The following SLF1 variants were observed in gnomAD, a reference collection of about 807,000 sequenced individuals.
SLF1 encodes SMC5-SMC6 complex localization factor protein 1.
In SLF1, 105 loss-of-function variants were observed where a neutral mutation model predicts 123.0. That is an observed-to-expected ratio of 0.85 (90% CI 0.73 to 1.00). The LOEUF is 1.00. SLF1 is among the 50% of genes least tolerant of loss of function. SLF1 has a pLI of 0.00. For synonymous variants in SLF1, 434 were observed against 406.6 expected (o/e 1.07, Z -0.81); for missense variants, 1,239 against 1,223.0 (o/e 1.01, Z -0.20).
In SLF1 at chr5:94,670,239, T is replaced by C. The variant is rs1478916445; in HGVS notation, c.1621T>C (p.Phe541Leu). 5.9e-6 allele frequency: 9 copies of C among 1,514,826 alleles called. No homozygotes were observed. The highest frequency in any genetic ancestry group is 7.9e-6 in the Non-Finnish European group (9 of 1,134,128). The allele number at this position is 1,514,826 out of a possible 1,614,324, so 93.8% of individuals were successfully genotyped here. The change falls in exon 13 of 21, where the codon TTT (phenylalanine) becomes CTT (leucine). Residue 541 changes from phenylalanine to leucine, a missense_variant. Physicochemically the swap from Phe to Leu is conservative, Grantham distance 22 (BLOSUM62 0). Transcript: ENST00000265140. Reference protein sequence around the residue: ...VLHLTLLKFFFNLIESEVQHL... With the variant: ...VLHLTLLKFFLNLIESEVQHL... ...CCACCTGACGCTACTCAAATTTTTC[T>C]TTAATTTAATTGAAAGTGAAGTACA... is the stretch of plus-strand genomic sequence containing the variant.
In SLF1 at chr5:94,665,893, T is replaced by C; in HGVS notation, c.1401T>C (p.Phe467=). Residue 467 remains phenylalanine, a synonymous_variant, in exon 12 of 21, where the codon TTT becomes TTC. Coordinates refer to ENST00000265140, the MANE Select transcript of SLF1 (RefSeq NM_032290.4). ...TAGATACATTTTCTGGTCGATACTT[T>C]CATATATTGTCAGCTCTTCTTCACC... ...DNIDTFSGRY[F]HILSALLHLH... 15 of 1,548,496 alleles carry C rather than the reference T, an allele frequency of 9.7e-6. No individual in the cohort carries two copies. The highest frequency in any genetic ancestry group is 1.3e-5 in the Non-Finnish European group (15 of 1,144,058).
intron 4 of SLF1, among the ~76,000 whole-genome samples, chr5:94,634,564 T>G (rs1046003410): frequency 6.6e-6 from 1 of 152,240 alleles, no homozygotes; most frequent in Non-Finnish European, 1.5e-5. Flanking sequence ...ATACTATATT[T>G]TCTTTATTCA....
At chr5:94,639,435 T>C (rs975495909) in intron 4 of SLF1, among the ~76,000 whole-genome samples, 2 of 152,192 alleles carry the variant, frequency 1.3e-5, no homozygotes, top group Non-Finnish European at 2.9e-5. Context: ...CTGTATTAGA[T>C]CTCTTTTTTT....
intron 9 of SLF1, among the ~76,000 whole-genome samples, chr5:94,661,813 A>C (rs141887204): frequency 4.9e-4 from 75 of 152,332 alleles, no homozygotes; most frequent in African/African-American, 1.7e-3. Context: ...CTGGGATTAC[A>C]GGTGTGAGCC....
intron 7 of SLF1, among the ~76,000 whole-genome samples, chr5:94,652,916 G>A (rs941459197): frequency 6.6e-6 from 1 of 152,158 alleles, no homozygotes; most frequent in African/African-American, 2.4e-5. Context: ...GGAGTGCAAT[G>A]GCGCAATCTC....
chr5:94,652,844 A>T (rs1033130786), intron 7 of SLF1, among the ~76,000 whole-genome samples: 1 of 152,024 alleles, frequency 6.6e-6, no homozygotes, highest in Non-Finnish European at 1.5e-5. Context: ...TTTCTGTTGT[A>T]CGTACTTCTT....
intron 16 of SLF1, among the ~76,000 whole-genome samples, chr5:94,687,719 A>AAC (rs1281776167): frequency 6.8e-6 from 1 of 148,148 alleles, no homozygotes; most frequent in African/African-American, 2.5e-5. Context: ...CAACAACAAC[A>AAC]AAGAAAGAAA....
chr5:94,694,684 A>G (rs1585252616), intron 20 of SLF1, 147 bp from the exon 21 acceptor site: 1 of 1,027,310 alleles, frequency 9.7e-7, no homozygotes, highest in East Asian at 2.7e-5. Context: ...GTCTATATAT[A>G]TAGTCAGTTA....
chr5:94,626,921 C>T (rs781270601), intron 1 of SLF1, among the ~76,000 whole-genome samples: 6 of 152,114 alleles, frequency 3.9e-5, no homozygotes, highest in Non-Finnish European at 8.8e-5. Flanking sequence ...GTGCAGTTAC[C>T]CTAGCTGAAC....
chr5:94,677,162 C>G (rs183115958), intron 14 of SLF1, among the ~76,000 whole-genome samples: 1 of 152,052 alleles, frequency 6.6e-6, no homozygotes, highest in Non-Finnish European at 1.5e-5. Context: ...TTGGAAGTGC[C>G]TTTTATGTAA....
rs764031689 is a variant in SLF1, at chr5:94,639,037, C to CTTTT, written c.432-4218_432-4215dup. Among the ~76,000 whole-genome samples, 179 of 88,950 alleles carry CTTTT rather than the reference C, an allele frequency of 2.0e-3. 18 individuals carry two copies. Among genetic ancestry groups the CTTTT allele is most frequent in the African/African-American group, 5.5e-3 (111 of 20,266 alleles). The allele number at this position is 88,950 out of a possible 152,430, so 58.4% of individuals were successfully genotyped here. ...TTTCTCATCTCTTTTCTTTTCTTCC[C>CTTTT]TTTTTTTTTTTTTTTTTTTTTGAGA... On this transcript the variant is annotated intron_variant, in intron 4 of 20. Coordinates refer to ENST00000265140, the MANE Select transcript of SLF1 (RefSeq NM_032290.4).
intron 9 of SLF1, 97 bp downstream of exon 9, chr5:94,654,849 A>T: frequency 1.1e-6 from 1 of 885,024 alleles, no homozygotes; most frequent in Non-Finnish European, 1.5e-6. Context: ...ATGATTCATT[A>T]GTATGTTTAA....
At position 94,653,330 on chromosome 5, in the gene SLF1, G is replaced by T; in HGVS notation, c.941G>T (p.Arg314Leu). The change falls in exon 8 of 21, where the codon CGC (arginine) becomes CTC (leucine). Residue 314 changes from arginine to leucine, a missense_variant. By Grantham distance (102) the Arg-to-Leu change is moderately radical (BLOSUM62 -2). Transcript: ENST00000265140. ...AGGAGTTATACTTTGAGGAGAAAAC[G>T]CAAGAAAGGAAAAGAAAGCAATTGC... is the stretch of plus-strand genomic sequence containing the variant. ...IQRSYTLRRK[R>L]KKGKESNCKK... 2 of 1,524,652 alleles carry T rather than the reference G, an allele frequency of 1.3e-6. No homozygotes were observed. The highest frequency in any genetic ancestry group is 8.8e-7 in the Non-Finnish European group (1 of 1,139,136). 94.4% of individuals were successfully genotyped at this position (1,524,652 alleles called of 1,614,324 possible). A position where few individuals can be genotyped will look rare whatever the true frequency, so the allele number is the denominator to read the frequency against.
rs548887980 is a variant in SLF1, at chr5:94,695,906, T to C, written c.*594T>C. ...TTTTGGTTTTTAAATGCAGCAAATA[T>C]GCAGAGTCTGACAGTTCAATTCCTT... On this transcript the variant is annotated 3_prime_UTR_variant, in exon 21 of 21. Coordinates refer to ENST00000265140, the MANE Select transcript of SLF1 (RefSeq NM_032290.4). 5.9e-5 allele frequency: 9 copies of C among 152,032 alleles called. 1 individual carries two copies. In the South Asian group the frequency reaches 1.9e-3, roughly 31 times the overall value. 9.4% of individuals were successfully genotyped at this position (152,032 alleles called of 1,614,324 possible). A position where few individuals can be genotyped will look rare whatever the true frequency, so the allele number is the denominator to read the frequency against.
chr5:94,666,092 G>C (rs775410164), intron 12 of SLF1, 68 bp downstream of exon 12: 3 of 1,344,998 alleles, frequency 2.2e-6, no homozygotes, highest in African/African-American at 1.5e-5. Flanking sequence ...ATTTTTTTAA[G>C]ATACTGATGA....
Position 94,670,937 on chromosome 5 carries a change from T to G in SLF1, c.1756T>G (p.Leu586Val), listed in dbSNP as rs1252521348. The G allele has an allele frequency of 6.5e-7, 1 of 1,550,058 alleles. No individual in the cohort carries two copies. The highest frequency in any genetic ancestry group is 8.7e-7 in the Non-Finnish European group (1 of 1,145,782). ...GTCAGGAAGTGAAACCTCTGGGCTT[T>G]TGACCAAACCAGTAAATATGCTTTT... ...FWSGSETSGLLTKPVNMLLEW... is the reference protein window; with the variant it reads ...FWSGSETSGLVTKPVNMLLEW... Residue 586 changes from leucine to valine, a missense_variant, in exon 14 of 21, where the codon TTG (leucine) becomes GTG (valine). Physicochemically the swap from Leu to Val is conservative, Grantham distance 32 (BLOSUM62 1). Transcript: ENST00000265140.
At chr5:94,648,873 GTA>G (rs946421167) in intron 5 of SLF1, among the ~76,000 whole-genome samples, 3 of 152,208 alleles carry the variant, frequency 2.0e-5, no homozygotes, top group Non-Finnish European at 4.4e-5. Context: ...ATATGTATAA[GTA>G]TGTATGCAAT....
intron 4 of SLF1, among the ~76,000 whole-genome samples, chr5:94,639,037 C>CTTTTTTTTTTTTTTTTTTTTTTTTTTT (rs764031689): frequency 4.5e-5 from 4 of 88,970 alleles, no homozygotes; most frequent in Non-Finnish European, 6.2e-5. Flanking sequence ...CTTTTCTTCC[C>CTTTTTTTTTTTTTTTTTTTTTTTTTTT]TTTTTTTTTT....
rs1030693856 is a variant in SLF1 at position 94,651,836 on chromosome 5, T to C, written c.873T>C (p.Tyr291=). The part of the protein sequence containing the change: ...KMRNTFGSHT[Y]ENQKEIKKKD... ...GAAATACCTTTGGAAGCCATACATA[T>C]GAAAATCAGGTACAACTTTCCAAAT... Residue 291 remains tyrosine (Y), a synonymous_variant, in exon 7 of 21, where the codon TAT becomes TAC. Transcript: ENST00000265140. The C allele has an allele frequency of 7.1e-6, 10 of 1,406,916 alleles. 1 individual carries two copies. In the South Asian group the frequency reaches 1.4e-4, roughly 19 times the overall value. The allele number at this position is 1,406,916 out of a possible 1,614,324, so 87.2% of individuals were successfully genotyped here. A position where few individuals can be genotyped will look rare whatever the true frequency, so the allele number is the denominator to read the frequency against.
Sources: allele counts gnomAD v4.1 joint callset (sites outside exome capture counted in the v4.1 genomes callset), GRCh38; gene constraint gnomAD v4.1.1; transcripts MANE v1.5; gene names NCBI Gene and HGNC (gene_info 2026-07-23, HGNC 2026-07-21).